The following HIVEP3 variants were observed in gnomAD, a reference collection of about 807,000 sequenced individuals.
HIVEP3 encodes transcription factor HIVEP3.
HIVEP3 carries 49 observed loss-of-function variants against 152.8 expected under a neutral mutation model. The observed-to-expected ratio is 0.32, with a 90% CI of 0.26 to 0.41. HIVEP3 has a LOEUF of 0.41. HIVEP3 is among the 10% of genes least tolerant of loss of function. HIVEP3 has a pLI of 1.00. For synonymous variants in HIVEP3, 1,269 were observed against 1,289.0 expected (o/e 0.98, Z 0.33); for missense variants, 2,790 against 3,103.3 (o/e 0.90, Z 2.40).
At chr1:41,719,456 C>G (rs1192613991) in intron 1 of HIVEP3, among the ~76,000 whole-genome samples, 1 of 152,206 alleles carries the variant, frequency 6.6e-6, no homozygotes, top group Non-Finnish European at 1.5e-5. Context: ...TTTTAGGCAG[C>G]CCTAGTGAGC....
intron 1 of HIVEP3, among the ~76,000 whole-genome samples, chr1:41,925,025 T>C (rs1336297197): frequency 2.0e-5 from 3 of 152,208 alleles, no homozygotes; most frequent in Non-Finnish European, 4.4e-5. Flanking sequence ...GACTCCAGAC[T>C]CACCACCATG....
At chr1:41,744,511 G>T (rs183199812) in intron 1 of HIVEP3, among the ~76,000 whole-genome samples, 5 of 152,350 alleles carry the variant, frequency 3.3e-5, no homozygotes, top group Admixed American at 2.6e-4. Context: ...AGGAGTTTAT[G>T]TCAAATGGGG....
intron 1 of HIVEP3, among the ~76,000 whole-genome samples, chr1:41,707,102 T>A (rs12077598): frequency 0.15 from 22,378 of 152,168 alleles, 4,576 homozygotes; most frequent in African/African-American, 0.46. Context: ...GTGGAAGCTG[T>A]GCTGGGTATA....
At chr1:41,576,815 T>G (rs1644334018) in intron 4 of HIVEP3, among the ~76,000 whole-genome samples, 1 of 152,194 alleles carries the variant, frequency 6.6e-6, no homozygotes, top group South Asian at 2.1e-4. Context: ...CCTCAGAGTC[T>G]GAGGGGATTT....
chr1:41,950,521 T>C (rs1240933263), intron 1 of HIVEP3, among the ~76,000 whole-genome samples: 4 of 152,250 alleles, frequency 2.6e-5, no homozygotes, highest in African/African-American at 9.6e-5. Flanking sequence ...TGTATTGGCA[T>C]GGATCCATAA....
intron 1 of HIVEP3, among the ~76,000 whole-genome samples, chr1:41,710,242 AAT>A (rs1411259641): frequency 6.6e-6 from 1 of 152,102 alleles, no homozygotes; most frequent in Non-Finnish European, 1.5e-5. Flanking sequence ...AAAACCCCAA[AAT>A]AGTCCCTGGG....
intron 2 of HIVEP3, among the ~76,000 whole-genome samples, chr1:41,694,377 G>T (rs1368868255): frequency 6.6e-6 from 1 of 152,092 alleles, no homozygotes; most frequent in Admixed American, 6.6e-5. Flanking sequence ...TTGAAGGCAG[G>T]TTCCTTGCAT....
chr1:41,658,325 G>A (rs1229385931), intron 2 of HIVEP3, among the ~76,000 whole-genome samples: 1 of 152,082 alleles, frequency 6.6e-6, no homozygotes, highest in Admixed American at 6.6e-5. Context: ...GGACTTTGGA[G>A]CCCAAAGTCC....
rs942635220 is a variant in HIVEP3, at chr1:41,700,896, G to C, written c.-721+20C>G. On this transcript the variant is annotated intron_variant, in intron 2 of 8. Transcript: ENST00000372583. Reference sequence around the variant, plus strand: ...GTGCTGAAACTGCCCTGTGTCCTGTGGGGGATGGGGAGGGCTCACCTGCCA... The same window carrying C: ...GTGCTGAAACTGCCCTGTGTCCTGTCGGGGATGGGGAGGGCTCACCTGCCA... 1 of 967,874 alleles carries C rather than the reference G, an allele frequency of 1.0e-6. No individual in the cohort carries two copies. Among genetic ancestry groups the C allele is most frequent in the Non-Finnish European group, 1.2e-6 (1 of 814,188 alleles). 60.0% of individuals were successfully genotyped at this position (967,874 alleles called of 1,614,324 possible). A position where few individuals can be genotyped will look rare whatever the true frequency, so the allele number is the denominator to read the frequency against.
intron 1 of HIVEP3, among the ~76,000 whole-genome samples, chr1:41,817,961 C>T (rs995748271): frequency 1.3e-5 from 2 of 152,128 alleles, no homozygotes; most frequent in African/African-American, 4.8e-5. Context: ...AATCCTGATT[C>T]CACCCTCTTG....
intron 1 of HIVEP3, among the ~76,000 whole-genome samples, chr1:41,852,359 A>G (rs1253469441): frequency 6.6e-6 from 1 of 152,244 alleles, no homozygotes; most frequent in Non-Finnish European, 1.5e-5. Flanking sequence ...GGACACAGGG[A>G]CACCGTCATC....
At chr1:41,758,672 G>T (rs182966736) in intron 1 of HIVEP3, among the ~76,000 whole-genome samples, 1 of 152,248 alleles carries the variant, frequency 6.6e-6, no homozygotes, top group Admixed American at 6.5e-5. Context: ...ACATTGTGGG[G>T]TTTGGGAACC....
chr1:41,562,626 T>TCTCTCC (rs1644092286), intron 5 of HIVEP3, among the ~76,000 whole-genome samples: 2 of 112,634 alleles, frequency 1.8e-5, no homozygotes, highest in African/African-American at 8.1e-5. Context: ...TCTCTCTCTC[T>TCTCTCC]CTCTCTCCCT....
At chr1:41,613,671 T>G (rs752553956) in intron 3 of HIVEP3, among the ~76,000 whole-genome samples, 1 of 152,262 alleles carries the variant, frequency 6.6e-6, no homozygotes. Context: ...AAATGCTGTC[T>G]AGTCATTTGA....
At chr1:41,981,601 G>A (rs1645294423) in intron 1 of HIVEP3, among the ~76,000 whole-genome samples, 1 of 152,158 alleles carries the variant, frequency 6.6e-6, no homozygotes, top group South Asian at 2.1e-4. Flanking sequence ...CTCCTCCAAG[G>A]TAAAGTGGAG....
chr1:41,938,310 C>A (rs944405047), intron 1 of HIVEP3, among the ~76,000 whole-genome samples: 5 of 152,166 alleles, frequency 3.3e-5, no homozygotes, highest in Non-Finnish European at 2.9e-5. Flanking sequence ...CCATACCATA[C>A]CGTGCATCAA....
At chr1:41,931,040 T>A (rs1278357207) in intron 1 of HIVEP3, among the ~76,000 whole-genome samples, 1 of 152,148 alleles carries the variant, frequency 6.6e-6, no homozygotes, top group Non-Finnish European at 1.5e-5. Context: ...ACATATATGA[T>A]TGCAAATATT....
At position 41,518,500 on chromosome 1, in the gene HIVEP3, C is replaced by T. The variant is rs375956344; in HGVS notation, c.5384-12G>A. ...CTTAGTCAGATTCCCTAGAAAGAAA[C>T]GAGAATACTTAGGCTCTGCTATGGG... is the stretch of plus-strand genomic sequence containing the variant. On this transcript the variant is annotated splice_polypyrimidine_tract_variant and intron_variant, in intron 6 of 8. Coordinates refer to ENST00000372583, the MANE Select transcript of HIVEP3 (RefSeq NM_024503.5). The T allele has an allele frequency of 3.4e-5, 54 of 1,610,510 alleles. No homozygotes were observed. The Middle Eastern group carries it at 4.9e-4, about 15-fold the overall frequency.
chr1:41,618,930 C>T (rs776794595), intron 3 of HIVEP3, among the ~76,000 whole-genome samples: 1 of 152,236 alleles, frequency 6.6e-6, no homozygotes, highest in African/African-American at 2.4e-5. Context: ...CCATGGCCCC[C>T]GCAGTTGCCA....
Sources: allele counts gnomAD v4.1 joint callset (sites outside exome capture counted in the v4.1 genomes callset), GRCh38; gene constraint gnomAD v4.1.1; transcripts MANE v1.5; gene names NCBI Gene and HGNC (gene_info 2026-07-23, HGNC 2026-07-21).